PRKCQ: variants seen among roughly 807,000 people sequenced by gnomAD.
PRKCQ encodes protein kinase C theta.
In PRKCQ, 41 loss-of-function variants were observed where a neutral mutation model predicts 91.2. The ratio of observed to expected loss-of-function variants is 0.45; its 90% CI spans 0.35 to 0.58. The LOEUF is 0.58. Among genes scored for constraint, PRKCQ ranks in the 20% least tolerant of loss-of-function variants. The probability of loss-of-function intolerance (pLI) is 0.00; values close to 1 mark genes in which losing one functional copy is unlikely to be tolerated. For missense variants in PRKCQ, 673 were observed against 896.5 expected (o/e 0.75, Z 3.18); for synonymous variants, 307 against 316.9 (o/e 0.97, Z 0.33).
chr10:6,505,487 T>TTCCTTCCC (rs1330927944), intron 4 of PRKCQ, among the ~76,000 whole-genome samples: 4 of 148,212 alleles, frequency 2.7e-5, no homozygotes, highest in African/African-American at 7.5e-5. Context: ...CCTTCCTTCC[T>TTCCTTCCC]TCCCTCCCTC....
At chr10:6,395,683 A>T in the PRKCQ span, among the ~76,000 whole-genome samples, 1 of 152,170 alleles carries the variant, frequency 6.6e-6, no homozygotes, top group Non-Finnish European at 1.5e-5. Context: ...TTTGTTTTAA[A>T]CTATAAACTA....
chr10:6,400,912 G>A, the PRKCQ span, among the ~76,000 whole-genome samples: 1 of 152,174 alleles, frequency 6.6e-6, no homozygotes, highest in African/African-American at 2.4e-5. Context: ...TAAGAACAAC[G>A]ACCATAGTTC....
Position 6,428,268 on chromosome 10 carries a change from T to C in PRKCQ, c.2060A>G (p.Asp687Gly). The part of the protein sequence containing the change: ...FADRALINSM[D>G]QNMFRNFSFM... Reference sequence around the variant, plus strand: ...GGAAAAGTTCCTGAACATATTCTGGTCCATGCTGTTGATCAGTGCTCTGTC... The same window carrying C: ...GGAAAAGTTCCTGAACATATTCTGGCCCATGCTGTTGATCAGTGCTCTGTC... The change falls in exon 18 of 18, where the codon GAC (aspartate) becomes GGC (glycine). Residue 687 changes from aspartate to glycine, a missense_variant. Transcript: ENST00000263125. 6.2e-7 allele frequency: 1 copy of C among 1,614,230 alleles called. No homozygotes were observed. Among genetic ancestry groups the C allele is most frequent in the South Asian group, 1.1e-5 (1 of 91,080 alleles).
At chr10:6,431,541 C>T (rs901099780) in intron 16 of PRKCQ, among the ~76,000 whole-genome samples, 6 of 152,210 alleles carry the variant, frequency 3.9e-5, no homozygotes, top group Non-Finnish European at 1.5e-5. Flanking sequence ...CGCATACACA[C>T]ACGTACAGGA....
At chr10:6,395,591 G>C in the PRKCQ span, among the ~76,000 whole-genome samples, 2 of 152,124 alleles carry the variant, frequency 1.3e-5, no homozygotes, top group Non-Finnish European at 2.9e-5. Context: ...TTCTAATCTT[G>C]TGGCTAATTT....
chr10:6,530,100 G>A (rs780540321), intron 1 of PRKCQ, among the ~76,000 whole-genome samples: 3 of 152,176 alleles, frequency 2.0e-5, no homozygotes, highest in Non-Finnish European at 4.4e-5. Context: ...CACTGGATAT[G>A]CATATGGGAC....
the PRKCQ span, among the ~76,000 whole-genome samples, chr10:6,410,668 A>G: frequency 7.5e-4 from 114 of 152,284 alleles, no homozygotes; most frequent in African/African-American, 2.6e-3. Context: ...CAATGAGTTG[A>G]GCAATTCCAC....
chr10:6,452,453 C>A (rs1158830962), intron 15 of PRKCQ, among the ~76,000 whole-genome samples: 5 of 151,962 alleles, frequency 3.3e-5, no homozygotes, highest in African/African-American at 1.2e-4. Flanking sequence ...ACATTCCATG[C>A]TCATGGGTAG....
intron 16 of PRKCQ, among the ~76,000 whole-genome samples, chr10:6,440,276 G>A (rs115032446): frequency 0.016 from 2,430 of 152,306 alleles, 60 homozygotes; most frequent in African/African-American, 0.056. Context: ...AAGACAATCT[G>A]CTGGGCAGGA....
intron 12 of PRKCQ, among the ~76,000 whole-genome samples, chr10:6,476,653 G>A (rs1836285635): frequency 6.6e-6 from 1 of 152,168 alleles, no homozygotes; most frequent in South Asian, 2.1e-4. Context: ...CAATAAATCT[G>A]TCATTGGGTA....
At chr10:6,517,737 C>T (rs1245157644) in intron 1 of PRKCQ, among the ~76,000 whole-genome samples, 2 of 151,242 alleles carry the variant, frequency 1.3e-5, no homozygotes, top group Non-Finnish European at 2.9e-5. Flanking sequence ...AAGAAAATAA[C>T]CAAACTTAAC....
At chr10:6,439,742 C>T (rs1833873739) in intron 16 of PRKCQ, among the ~76,000 whole-genome samples, 1 of 152,150 alleles carries the variant, frequency 6.6e-6, no homozygotes, top group Admixed American at 6.5e-5. Context: ...ATACATATAA[C>T]ATATAACACA....
At chr10:6,398,814 C>T in the PRKCQ span, among the ~76,000 whole-genome samples, 28 of 151,942 alleles carry the variant, frequency 1.8e-4, no homozygotes, top group Admixed American at 1.6e-3. Flanking sequence ...AGTGCAGTGG[C>T]GCAATTACAG....
At chr10:6,551,949 C>T (rs752611136) in intron 1 of PRKCQ, among the ~76,000 whole-genome samples, 7 of 152,210 alleles carry the variant, frequency 4.6e-5, no homozygotes, top group Non-Finnish European at 8.8e-5. Context: ...AGTGTATAAG[C>T]ATTCCATTTT....
At chr10:6,560,377 G>C (rs1840582892) in intron 1 of PRKCQ, among the ~76,000 whole-genome samples, 1 of 152,148 alleles carries the variant, frequency 6.6e-6, no homozygotes, top group African/African-American at 2.4e-5. Context: ...CCTACTGGAA[G>C]GAGAAAGAAA....
intron 1 of PRKCQ, among the ~76,000 whole-genome samples, chr10:6,516,605 C>T (rs1430992197): frequency 6.6e-6 from 1 of 152,186 alleles, no homozygotes; most frequent in Admixed American, 6.5e-5. Flanking sequence ...CATTTCTCCA[C>T]AAATCAGGAA....
chr10:6,434,606 G>C (rs950372823), intron 16 of PRKCQ, among the ~76,000 whole-genome samples: 5 of 152,174 alleles, frequency 3.3e-5, no homozygotes, highest in African/African-American at 4.8e-5. Context: ...AATACCTGAA[G>C]ACTTGATTTT....
At chr10:6,547,981 C>T (rs1207500489) in intron 1 of PRKCQ, among the ~76,000 whole-genome samples, 1 of 150,046 alleles carries the variant, frequency 6.7e-6, no homozygotes, top group Admixed American at 6.6e-5. Flanking sequence ...GCAACCTACT[C>T]ATCTGACAAA....
chr10:6,470,842 T>C (rs12765758), intron 12 of PRKCQ, among the ~76,000 whole-genome samples: 114 of 151,894 alleles, frequency 7.5e-4, no homozygotes, highest in Non-Finnish European at 1.0e-3. Flanking sequence ...CCCCAGCTAC[T>C]TGGGAGGCTG....
Sources: allele counts gnomAD v4.1 joint callset (sites outside exome capture counted in the v4.1 genomes callset), GRCh38; gene constraint gnomAD v4.1.1; transcripts MANE v1.5; gene names NCBI Gene and HGNC (gene_info 2026-07-23, HGNC 2026-07-21).